Variants in PAG1 observed in about 807,000 individuals in gnomAD.
PAG1 encodes phosphoprotein membrane anchor with glycosphingolipid microdomains 1.
In PAG1, 23 loss-of-function variants were observed where a neutral mutation model predicts 31.7. The observed-to-expected ratio is 0.73, with a 90% confidence interval of 0.52 to 1.03. The LOEUF is 1.03. Among genes scored for constraint, PAG1 ranks in the 50% least tolerant of loss-of-function variants. The pLI, the probability that PAG1 is intolerant of heterozygous loss-of-function variation, is 0.00. For synonymous variants in PAG1, 214 were observed against 210.3 expected, an observed-to-expected ratio of 1.02 and a Z score of -0.15; for missense variants, 473 against 540.7, an observed-to-expected ratio of 0.87 and a Z score of 1.24.
intron 1 of PAG1, among the ~76,000 whole-genome samples, chr8:81,110,521 G>A (rs924315731): frequency 5.9e-5 from 9 of 152,314 alleles, no homozygotes; most frequent in Admixed American, 5.9e-4. Flanking sequence ...GTAGGGCACT[G>A]CAGCTACCTA....
At chr8:81,097,143 G>A (rs762540010) in intron 1 of PAG1, among the ~76,000 whole-genome samples, 1 of 152,192 alleles carries the variant, frequency 6.6e-6, no homozygotes, top group Non-Finnish European at 1.5e-5. Flanking sequence ...AAACTACCAA[G>A]GTTGGGGCCC....
intron 4 of PAG1, among the ~76,000 whole-genome samples, chr8:80,992,714 G>A (rs957749539): frequency 4.6e-5 from 7 of 152,146 alleles, no homozygotes; most frequent in Non-Finnish European, 1.0e-4. Context: ...CCGAAATCAC[G>A]TAGCAGCAAA....
intron 2 of PAG1, among the ~76,000 whole-genome samples, chr8:81,048,985 G>A (rs1055857455): frequency 3.3e-5 from 5 of 152,134 alleles, no homozygotes; most frequent in East Asian, 3.8e-4. Context: ...TGTGATTCTG[G>A]CTAACGATTA....
intron 3 of PAG1, among the ~76,000 whole-genome samples, chr8:81,025,774 C>T (rs903684064): frequency 3.3e-5 from 5 of 152,222 alleles, no homozygotes; most frequent in Non-Finnish European, 7.3e-5. Flanking sequence ...AGGGATTAGT[C>T]CGCACCCACT....
chr8:81,050,866 AAC>A (rs1445212886), intron 2 of PAG1, among the ~76,000 whole-genome samples: 2 of 152,226 alleles, frequency 1.3e-5, no homozygotes, highest in African/African-American at 4.8e-5. Flanking sequence ...TTCCAAAGGA[AAC>A]ACAAACTCAC....
intron 3 of PAG1, among the ~76,000 whole-genome samples, chr8:81,027,687 C>T (rs1196316657): frequency 1.3e-5 from 2 of 152,030 alleles, no homozygotes; most frequent in Non-Finnish European, 2.9e-5. Flanking sequence ...AGGCGGATCA[C>T]GAAGTCAGGA....
chr8:81,005,904 GAGAGGGGCCCA>G (rs1807867975), intron 3 of PAG1, among the ~76,000 whole-genome samples: 1 of 152,160 alleles, frequency 6.6e-6, no homozygotes, highest in Non-Finnish European at 1.5e-5. Context: ...AATAGAGTTG[GAGAGGGGCCCA>G]AGAATCTATA....
At chr8:81,032,684 G>GACC (rs1204423541) in intron 2 of PAG1, among the ~76,000 whole-genome samples, 33 of 152,286 alleles carry the variant, frequency 2.2e-4, no homozygotes, top group African/African-American at 7.9e-4. Context: ...ATGTTAAACA[G>GACC]AGAGTTACCA....
At chr8:81,035,153 G>A (rs1808442569) in intron 2 of PAG1, among the ~76,000 whole-genome samples, 1 of 152,100 alleles carries the variant, frequency 6.6e-6, no homozygotes, top group African/African-American at 2.4e-5. Context: ...TACCATCCTG[G>A]AGGTCTAGTC....
At chr8:81,096,824 T>C (rs1365074724) in intron 1 of PAG1, among the ~76,000 whole-genome samples, 4 of 152,188 alleles carry the variant, frequency 2.6e-5, no homozygotes, top group African/African-American at 9.7e-5. Flanking sequence ...TTGCCTGGAA[T>C]GGTTTCTGGC....
intron 2 of PAG1, among the ~76,000 whole-genome samples, chr8:81,030,797 C>T (rs1280710623): frequency 2.6e-5 from 4 of 152,202 alleles, no homozygotes; most frequent in Non-Finnish European, 5.9e-5. Flanking sequence ...TCTTCCCATC[C>T]TCAAATAAGT....
chr8:81,104,953 C>G (rs1809670059), intron 1 of PAG1, among the ~76,000 whole-genome samples: 1 of 152,104 alleles, frequency 6.6e-6, no homozygotes. Flanking sequence ...CAGTCTCACT[C>G]CCCACCCTCA....
chr8:80,976,723 G>A lies in PAG1; in HGVS notation c.1120C>T (p.Pro374Ser). 3 of 1,614,120 alleles carry A rather than the reference G, an allele frequency of 1.9e-6. No individual in the cohort carries two copies. Among genetic ancestry groups the A allele is most frequent in the Non-Finnish European group, 2.5e-6 (3 of 1,179,976 alleles). ...TCCTCGCTGGGCCTCCCTGCTGGTG[G>A]AAGTGTGCTGTTTGGAGTTTTTTCG... is the stretch of plus-strand genomic sequence containing the variant. ...DFEKTPNSTL[P>S]PAGRPSEEPE... The change falls in exon 9 of 9, where the codon CCA (proline) becomes TCA (serine). Residue 374 changes from proline to serine, a missense_variant. Physicochemically the swap from Pro to Ser is moderately conservative, Grantham distance 74. Transcript: ENST00000220597.
chr8:80,995,438 G>A (rs1354582562), intron 3 of PAG1, among the ~76,000 whole-genome samples: 1 of 152,202 alleles, frequency 6.6e-6, no homozygotes, highest in Non-Finnish European at 1.5e-5. Context: ...CCACTTCTGT[G>A]ATTTGTTGAT....
chr8:81,071,791 T>C (rs1219841762), intron 1 of PAG1, among the ~76,000 whole-genome samples: 2 of 152,070 alleles, frequency 1.3e-5, no homozygotes, highest in African/African-American at 2.4e-5. Flanking sequence ...TATGAACAGG[T>C]TGTGAATACA....
intron 3 of PAG1, among the ~76,000 whole-genome samples, chr8:81,009,940 C>T (rs982578056): frequency 2.6e-5 from 4 of 152,134 alleles, no homozygotes; most frequent in African/African-American, 4.8e-5. Context: ...ACACTAATGC[C>T]GAGGTCTAAC....
chr8:80,976,598 G>A lies in PAG1; in HGVS notation c.1245C>T (p.Asn415=), dbSNP rs745745523. 9.3e-6 allele frequency: 15 copies of A among 1,613,832 alleles called. No individual in the cohort carries two copies. In the Admixed American group the frequency reaches 1.0e-4, roughly 11 times the overall value. ...NGHHGLVPKE[N]DYESISDLQQ... is the part of the protein sequence containing the mutation. ...GCAAGTCACTTATGCTCTCGTAGTC[G>A]TTCTCCTTTGGGACGAGACCGTGGT... is the stretch of plus-strand genomic sequence containing the variant. The change falls in exon 9 of 9, where the codon AAC becomes AAT. Residue 415 remains asparagine, a synonymous_variant. Transcript: ENST00000220597.
intron 2 of PAG1, among the ~76,000 whole-genome samples, chr8:81,043,157 A>G (rs1808583606): frequency 6.6e-6 from 1 of 151,360 alleles, no homozygotes; most frequent in Admixed American, 6.6e-5. Flanking sequence ...TCCCCTCTTT[A>G]CCACCCCACT....
chr8:81,097,976 C>T (rs1159535013), intron 1 of PAG1, among the ~76,000 whole-genome samples: 1 of 152,170 alleles, frequency 6.6e-6, no homozygotes, highest in African/African-American at 2.4e-5. Context: ...AAATTGGATC[C>T]CCTTGCTTGT....
Sources: allele counts gnomAD v4.1 joint callset (sites outside exome capture counted in the v4.1 genomes callset), GRCh38; gene constraint gnomAD v4.1.1; transcripts MANE v1.5; gene names NCBI Gene and HGNC (gene_info 2026-07-23, HGNC 2026-07-21).